Variants in TRPM3 observed in about 807,000 individuals in gnomAD.
The protein encoded by TRPM3 is transient receptor potential cation channel subfamily M member 3.
In TRPM3, 77 loss-of-function variants were observed where a neutral mutation model predicts 181.2. The ratio of observed to expected loss-of-function variants is 0.42; its 90% CI spans 0.35 to 0.51. The LOEUF (loss-of-function observed/expected upper bound fraction) is 0.51, where lower values mean the gene tolerates loss of function less well. TRPM3 is among the 20% of genes least tolerant of loss of function. TRPM3 has a pLI of 0.01. For synonymous variants in TRPM3, 745 were observed against 796.4 expected (o/e 0.94, Z 1.09); for missense variants, 1,759 against 2,196.7 (o/e 0.80, Z 3.98).
intron 1 of TRPM3, among the ~76,000 whole-genome samples, chr9:70,896,371 T>G (rs1464068301): frequency 1.3e-5 from 2 of 152,146 alleles, no homozygotes; most frequent in Non-Finnish European, 2.9e-5. Context: ...TTGGCCAAAT[T>G]AATCACTGAA....
intron 1 of TRPM3, among the ~76,000 whole-genome samples, chr9:71,376,690 C>A (rs2092675183): frequency 6.6e-6 from 1 of 151,958 alleles, no homozygotes; most frequent in Non-Finnish European, 1.5e-5. Context: ...AAGTTAAATG[C>A]ATATTTTCAG....
At chr9:70,639,336 T>A in intron 10 of TRPM3, 142 bp from the exon 11 acceptor site, 4 of 864,938 alleles carry the variant, frequency 4.6e-6, no homozygotes, top group Non-Finnish European at 6.9e-6. Context: ...CTAGCAAGAC[T>A]GTTCACAGAT....
chr9:70,675,718 T>C (rs1331379450), intron 9 of TRPM3, among the ~76,000 whole-genome samples: 1 of 152,206 alleles, frequency 6.6e-6, no homozygotes, highest in Non-Finnish European at 1.5e-5. Context: ...AGCTATGTGA[T>C]TTCTATAGAT....
In TRPM3 at chr9:70,530,767, G is replaced by C. The variant is rs1166999478; in HGVS notation, c.*5186C>G. The C allele has an allele frequency of 6.6e-6, 1 of 152,218 alleles. No homozygotes were observed. The highest frequency in any genetic ancestry group is 1.5e-5 in the Non-Finnish European group (1 of 68,034). 9.4% of individuals were successfully genotyped at this position (152,218 alleles called of 1,614,324 possible). A position where few individuals can be genotyped will look rare whatever the true frequency, so the allele number is the denominator to read the frequency against. On this transcript the variant is annotated 3_prime_UTR_variant, in exon 26 of 26. Coordinates refer to ENST00000677713, the MANE Select transcript of TRPM3 (RefSeq NM_001366145.2). ...TTTCTTTTGGTTGACTCCAATCTGA[G>C]AGACAGAATATCCAACTTGTAAAAA...
chr9:70,973,574 C>T lies in TRPM3; in HGVS notation c.178-109063G>A, dbSNP rs557615616. ...TTAAGTTAAAAAATGAAAAAGATGACTCATGGGAGCTGATTGTTAGGATCT... is the reference window on the plus strand; with the variant it reads ...TTAAGTTAAAAAATGAAAAAGATGATTCATGGGAGCTGATTGTTAGGATCT... On this transcript the variant is annotated intron_variant, in intron 1 of 25. Transcript: ENST00000677713. 7.7e-4 allele frequency among the ~76,000 whole-genome samples: 117 copies of T among 152,150 alleles called. No individual in the cohort carries two copies. The Middle Eastern group carries it at 0.014, about 18-fold the overall frequency.
chr9:71,213,419 T>C (rs1471266739), intron 1 of TRPM3, among the ~76,000 whole-genome samples: 1 of 152,250 alleles, frequency 6.6e-6, no homozygotes, highest in Non-Finnish European at 1.5e-5. Flanking sequence ...GCTTTAATTC[T>C]TTCCCTGGTT....
chr9:71,249,548 G>A (rs1005776223), intron 1 of TRPM3, among the ~76,000 whole-genome samples: 1 of 151,942 alleles, frequency 6.6e-6, no homozygotes, highest in Non-Finnish European at 1.5e-5. Flanking sequence ...ACACAAATAC[G>A]CTAACCAGTA....
chr9:70,638,230 C>T (rs1395098850), intron 11 of TRPM3, among the ~76,000 whole-genome samples: 1 of 152,156 alleles, frequency 6.6e-6, no homozygotes, highest in Non-Finnish European at 1.5e-5. Flanking sequence ...AAGCAACCTT[C>T]GCCAGACACT....
At chr9:71,174,289 C>T (rs2077002552) in intron 1 of TRPM3, among the ~76,000 whole-genome samples, 1 of 152,058 alleles carries the variant, frequency 6.6e-6, no homozygotes, top group Non-Finnish European at 1.5e-5. Flanking sequence ...GGCCTGTAAT[C>T]CAAGCAATTT....
At chr9:70,792,595 G>C (rs1305133975) in intron 6 of TRPM3, among the ~76,000 whole-genome samples, 1 of 151,174 alleles carries the variant, frequency 6.6e-6, no homozygotes, top group African/African-American at 2.4e-5. Context: ...AGGGACAGAG[G>C]AAGAGAGAAG....
chr9:71,258,691 T>C (rs2082834519), intron 1 of TRPM3, among the ~76,000 whole-genome samples: 1 of 152,224 alleles, frequency 6.6e-6, no homozygotes, highest in Non-Finnish European at 1.5e-5. Flanking sequence ...ACTATGATCA[T>C]TGCCTTACAT....
chr9:71,104,624 T>A (rs1430174435), intron 1 of TRPM3, among the ~76,000 whole-genome samples: 1 of 152,172 alleles, frequency 6.6e-6, no homozygotes, highest in African/African-American at 2.4e-5. Flanking sequence ...CATCTTAGTC[T>A]CCAACCACAA....
chr9:70,700,434 T>A (rs2072122372), intron 8 of TRPM3, among the ~76,000 whole-genome samples: 1 of 152,102 alleles, frequency 6.6e-6, no homozygotes, highest in African/African-American at 2.4e-5. Flanking sequence ...AGGGGGGCGA[T>A]GAATCAGACA....
At chr9:70,875,331 A>T (rs977444606) in intron 1 of TRPM3, among the ~76,000 whole-genome samples, 1 of 151,860 alleles carries the variant, frequency 6.6e-6, no homozygotes, top group African/African-American at 2.4e-5. Context: ...GCCTTTTTTG[A>T]AAATAAGAGA....
intron 1 of TRPM3, among the ~76,000 whole-genome samples, chr9:70,902,295 T>G (rs1251470947): frequency 6.6e-6 from 1 of 152,234 alleles, no homozygotes. Context: ...TGCCCCTTTA[T>G]GTATTCACAC....
chr9:71,358,272 C>A (rs1239731676), intron 1 of TRPM3, among the ~76,000 whole-genome samples: 1 of 152,102 alleles, frequency 6.6e-6, no homozygotes, highest in Admixed American at 6.6e-5. Context: ...TTGGTTTTAT[C>A]TATAAATAAT....
chr9:71,236,379 T>C (rs1378314787), intron 1 of TRPM3, among the ~76,000 whole-genome samples: 3 of 152,124 alleles, frequency 2.0e-5, no homozygotes, highest in African/African-American at 7.2e-5. Context: ...CCTCTTCCTC[T>C]TCCCTCTTCT....
chr9:71,161,999 C>T (rs369213950), intron 1 of TRPM3, among the ~76,000 whole-genome samples: 54 of 151,748 alleles, frequency 3.6e-4, no homozygotes, highest in Middle Eastern at 3.4e-3. Context: ...GTCATGAGTT[C>T]GAGACCAGCC....
At position 70,534,763 on chromosome 9, in the gene TRPM3, G is replaced by T. The variant is rs1391208496; in HGVS notation, c.*1190C>A. 3 of 152,158 alleles carry T rather than the reference G, an allele frequency of 2.0e-5. No homozygotes were observed. The highest frequency in any genetic ancestry group is 7.2e-5 in the African/African-American group (3 of 41,428). 9.4% of individuals were successfully genotyped at this position (152,158 alleles called of 1,614,324 possible). ...GAACATTTCCATAGAAAAGATACCA[G>T]CCCTTGAAAAACTCCAATTAAATTT... On this transcript the variant is annotated 3_prime_UTR_variant, in exon 26 of 26. Coordinates refer to ENST00000677713, the MANE Select transcript of TRPM3 (RefSeq NM_001366145.2).
Sources: gnomAD v4.1 joint callset for allele counts (sites outside exome capture counted in the v4.1 genomes callset) on GRCh38, gnomAD v4.1.1 for gene constraint, MANE v1.5 for transcripts, NCBI Gene and HGNC (gene_info 2026-07-23, HGNC 2026-07-21) for gene names.